The following SCFD2 variants were observed in gnomAD, a reference collection of about 807,000 sequenced individuals.
SCFD2 encodes sec1 family domain containing 2, also known as sec1 family domain-containing protein 2.
Under a neutral mutation model 58.9 loss-of-function variants are expected in SCFD2, and 54 were observed. That is an observed-to-expected ratio of 0.92 (90% CI 0.74 to 1.15). The LOEUF is 1.15. Ranked by LOEUF, SCFD2 falls within the 50% of genes most tolerant of loss-of-function variation. SCFD2 has a pLI of 0.00. For missense variants in SCFD2, 805 were observed against 836.6 expected, an observed-to-expected ratio of 0.96 and a Z score of 0.47; for synonymous variants, 321 against 335.9, an observed-to-expected ratio of 0.96 and a Z score of 0.49.
chr4:53,012,635 C>T (rs1279344770), intron 5 of SCFD2, among the ~76,000 whole-genome samples: 1 of 152,158 alleles, frequency 6.6e-6, no homozygotes, highest in African/African-American at 2.4e-5. Flanking sequence ...TTACCTTTCT[C>T]TACCCCATTT....
intron 4 of SCFD2, among the ~76,000 whole-genome samples, chr4:53,231,168 C>G (rs1729425242): frequency 6.6e-6 from 1 of 152,078 alleles, no homozygotes; most frequent in African/African-American, 2.4e-5. Flanking sequence ...AAATTGAAAA[C>G]TAGTTTTTTA....
At chr4:53,019,764 C>T (rs1406285036) in intron 5 of SCFD2, among the ~76,000 whole-genome samples, 1 of 152,150 alleles carries the variant, frequency 6.6e-6, no homozygotes, top group Non-Finnish European at 1.5e-5. Context: ...TTCATTTTCC[C>T]AGTGGGTTCT....
intron 5 of SCFD2, among the ~76,000 whole-genome samples, chr4:53,056,530 C>CT (rs370755986): frequency 8.6e-5 from 13 of 150,752 alleles, no homozygotes; most frequent in Non-Finnish European, 1.3e-4. Context: ...ATATATCTAA[C>CT]TTTTTTTTTT....
intron 5 of SCFD2, among the ~76,000 whole-genome samples, chr4:53,107,756 G>A (rs1725048195): frequency 6.6e-6 from 1 of 152,182 alleles, no homozygotes; most frequent in South Asian, 2.1e-4. Flanking sequence ...AAGAGACTTA[G>A]ATGCCCACAC....
intron 5 of SCFD2, among the ~76,000 whole-genome samples, chr4:53,089,593 G>T (rs1268651196): frequency 2.6e-5 from 4 of 152,098 alleles, no homozygotes; most frequent in African/African-American, 9.7e-5. Context: ...TAACTATAAA[G>T]TAGGCAAATT....
chr4:52,878,770 T>C (rs1037103084), intron 8 of SCFD2, among the ~76,000 whole-genome samples: 1 of 152,238 alleles, frequency 6.6e-6, no homozygotes, highest in African/African-American at 2.4e-5. Context: ...TGGTCTTTTC[T>C]CAGGCAACCA....
chr4:52,997,789 G>A (rs1258014004), intron 5 of SCFD2, among the ~76,000 whole-genome samples: 1 of 152,184 alleles, frequency 6.6e-6, no homozygotes, highest in African/African-American at 2.4e-5. Context: ...ATTTGATGAG[G>A]AGTCTGTCTT....
chr4:53,313,623 G>GCTAA lies in SCFD2; in HGVS notation c.1135+12_1135+13insTTAG. ...TTCCTCAGAGGCTGCCTGTGTCCTA[G>GCTAA]GTTTAGGCTTACCCATACTCATCTT... is the stretch of plus-strand genomic sequence containing the variant. On this transcript the variant is annotated intron_variant, in intron 3 of 8. Transcript: ENST00000401642. The GCTAA allele has an allele frequency of 1.9e-6, 3 of 1,613,762 alleles. No homozygotes were observed. The highest frequency in any genetic ancestry group is 2.5e-6 in the Non-Finnish European group (3 of 1,179,776).
chr4:52,973,645 G>A (rs1173296111), intron 5 of SCFD2, among the ~76,000 whole-genome samples: 8 of 152,188 alleles, frequency 5.3e-5, no homozygotes, highest in African/African-American at 1.7e-4. Flanking sequence ...CAGAAAAAGA[G>A]GGAATCCTCC....
chr4:53,178,092 GAC>G (rs1560371175), intron 4 of SCFD2, among the ~76,000 whole-genome samples: 2 of 152,246 alleles, frequency 1.3e-5, no homozygotes, highest in Non-Finnish European at 2.9e-5. Context: ...GCAGGGCACA[GAC>G]AAATGTAAAG....
intron 4 of SCFD2, among the ~76,000 whole-genome samples, chr4:53,188,780 A>C (rs1382428972): frequency 2.0e-5 from 3 of 152,186 alleles, no homozygotes; most frequent in Admixed American, 2.0e-4. Context: ...TTGAACACAA[A>C]ATGCTAGAAA....
intron 5 of SCFD2, among the ~76,000 whole-genome samples, chr4:52,988,822 G>A (rs948869209): frequency 6.6e-6 from 1 of 152,018 alleles, no homozygotes; most frequent in Non-Finnish European, 1.5e-5. Context: ...TTCCTTTCCT[G>A]CTCTAATTTA....
intron 5 of SCFD2, among the ~76,000 whole-genome samples, chr4:53,127,818 G>A (rs1174216755): frequency 6.6e-6 from 1 of 152,128 alleles, no homozygotes; most frequent in African/African-American, 2.4e-5. Flanking sequence ...CTGCTGCTCT[G>A]AAAAGTCCAA....
intron 5 of SCFD2, among the ~76,000 whole-genome samples, chr4:53,017,088 ACAGAGCGAGAC>A (rs1722231078): frequency 6.7e-6 from 1 of 149,582 alleles, no homozygotes; most frequent in African/African-American, 2.6e-5. Flanking sequence ...AGCCTGGGCA[ACAGAGCGAGAC>A]TCCGTCTCAC....
At chr4:52,962,439 C>A (rs17644026) in intron 5 of SCFD2, among the ~76,000 whole-genome samples, 1 of 151,968 alleles carries the variant, frequency 6.6e-6, no homozygotes, top group Non-Finnish European at 1.5e-5. Flanking sequence ...TAACAAAAAA[C>A]GATACCCTTT....
At chr4:53,117,097 A>G (rs1725345678) in intron 5 of SCFD2, among the ~76,000 whole-genome samples, 1 of 152,098 alleles carries the variant, frequency 6.6e-6, no homozygotes. Flanking sequence ...GGAGAGTAGC[A>G]CTCTGTGTAC....
At chr4:53,259,479 T>C (rs1435951945) in intron 4 of SCFD2, among the ~76,000 whole-genome samples, 5 of 152,130 alleles carry the variant, frequency 3.3e-5, no homozygotes, top group Non-Finnish European at 7.4e-5. Context: ...ATAGGGTGTC[T>C]TTTCCCCACT....
Position 52,996,838 on chromosome 4 carries a change from G to C in SCFD2, c.1562-75968C>G, listed in dbSNP as rs377004478. ...AGCAAGGTCAGCAGCCAGGACAAAGGATCAACCCAAGAGAAGGAAAAGATA... is the reference window on the plus strand; with the variant it reads ...AGCAAGGTCAGCAGCCAGGACAAAGCATCAACCCAAGAGAAGGAAAAGATA... On this transcript the variant is annotated intron_variant, in intron 5 of 8. Transcript: ENST00000401642. Among the ~76,000 whole-genome samples, 8 of 152,270 alleles carry C rather than the reference G, an allele frequency of 5.3e-5. No individual in the cohort carries two copies. In the South Asian group the frequency reaches 1.2e-3, roughly 24 times the overall value.
At chr4:53,094,991 C>G (rs1724576135) in intron 5 of SCFD2, among the ~76,000 whole-genome samples, 1 of 152,126 alleles carries the variant, frequency 6.6e-6, no homozygotes, top group African/African-American at 2.4e-5. Context: ...TGTACTTTTA[C>G]TTGGCTTTAA....
Sources: allele counts gnomAD v4.1 joint callset (sites outside exome capture counted in the v4.1 genomes callset), GRCh38; gene constraint gnomAD v4.1.1; transcripts MANE v1.5; gene names NCBI Gene and HGNC (gene_info 2026-07-23, HGNC 2026-07-21).